RIMS2: variants seen among roughly 807,000 people sequenced by gnomAD.
RIMS2 encodes regulating synaptic membrane exocytosis 2.
In RIMS2, 59 loss-of-function variants were observed where a neutral mutation model predicts 174.4. That is an observed-to-expected ratio of 0.34 (90% confidence interval 0.27 to 0.42). RIMS2 has a LOEUF of 0.42. Among genes scored for constraint, RIMS2 ranks in the 10% least tolerant of loss-of-function variants. The pLI, the probability that RIMS2 is intolerant of heterozygous loss-of-function variation, is 1.00. For synonymous variants in RIMS2, 606 were observed against 572.5 expected, an observed-to-expected ratio of 1.06 and a Z score of -0.84; for missense variants, 1,620 against 1,666.3, an observed-to-expected ratio of 0.97 and a Z score of 0.48.
intron 19 of RIMS2, among the ~76,000 whole-genome samples, chr8:104,100,649 G>T (rs1053947288): frequency 4.0e-5 from 6 of 151,314 alleles, no homozygotes; most frequent in African/African-American, 1.5e-4. Context: ...AAAACTTTAA[G>T]ATTTTATTAT....
rs181534089 is a variant in RIMS2, at chr8:103,840,618, A to G, written c.699-44680A>G. Among the ~76,000 whole-genome samples, 75 of 152,228 alleles carry G rather than the reference A, an allele frequency of 4.9e-4. 1 individual carries two copies. Among genetic ancestry groups the G allele is most frequent in the Admixed American group, 1.3e-3 (20 of 15,286 alleles). ...ATATGTAGGAACTTCTCGTGGATAC[A>G]TTCCGTTCATATGTTAACTTTAGGA... On this transcript the variant is annotated intron_variant, in intron 3 of 23. Coordinates refer to ENST00000504942, the Ensembl canonical transcript of RIMS2.
intron 1 of RIMS2, among the ~76,000 whole-genome samples, chr8:103,633,513 C>G (rs1231801470): frequency 6.6e-6 from 1 of 152,136 alleles, no homozygotes; most frequent in Admixed American, 6.5e-5. Flanking sequence ...TCTCTTGTCT[C>G]TTCCAGGTTT....
At chr8:103,785,449 T>C (rs1204456255) in intron 3 of RIMS2, among the ~76,000 whole-genome samples, 1 of 152,112 alleles carries the variant, frequency 6.6e-6, no homozygotes, top group Non-Finnish European at 1.5e-5. Context: ...ATCCCATCAA[T>C]ACCTAATTTA....
intron 2 of RIMS2, among the ~76,000 whole-genome samples, chr8:103,739,075 C>T (rs2139249872): frequency 6.6e-6 from 1 of 152,296 alleles, no homozygotes; most frequent in Non-Finnish European, 1.5e-5. Flanking sequence ...AAGACACATG[C>T]ACACGTATGT....
chr8:103,931,528 C>A, intron 12 of RIMS2, 135 bp downstream of exon 14: 3 of 509,304 alleles, frequency 5.9e-6, no homozygotes, highest in South Asian at 4.0e-5. Context: ...ACGTGATGTT[C>A]TTAGGAAACA....
intron 19 of RIMS2, among the ~76,000 whole-genome samples, chr8:104,182,523 C>G (rs1793336260): frequency 6.6e-6 from 1 of 151,664 alleles, no homozygotes; most frequent in African/African-American, 2.4e-5. Context: ...CTATTCCTCC[C>G]CCTCCTCATT....
chr8:103,600,149 G>A (rs1183117868), intron 1 of RIMS2, among the ~76,000 whole-genome samples: 2 of 152,074 alleles, frequency 1.3e-5, no homozygotes, highest in East Asian at 3.9e-4. Context: ...AACATACAAT[G>A]TTTGTCTTTC....
intron 15 of RIMS2, among the ~76,000 whole-genome samples, chr8:103,971,583 T>C (rs796752754): frequency 5.9e-5 from 9 of 152,126 alleles, no homozygotes; most frequent in African/African-American, 2.2e-4. Flanking sequence ...TTTTTTTTTT[T>C]CTTTTTGAGA....
chr8:103,850,593 G>A (rs940739279), intron 3 of RIMS2, among the ~76,000 whole-genome samples: 2 of 151,976 alleles, frequency 1.3e-5, no homozygotes, highest in Admixed American at 6.6e-5. Context: ...AGGGTGAAGA[G>A]ACTGGAGCCA....
chr8:104,045,034 G>A (rs181324085), intron 19 of RIMS2, among the ~76,000 whole-genome samples: 1 of 151,938 alleles, frequency 6.6e-6, no homozygotes, highest in East Asian at 1.9e-4. Flanking sequence ...TTCAAAAACT[G>A]ACTGTAGTAT....
At chr8:104,255,605 T>G (rs531947507), downstream of RIMS2, 11 of 152,310 alleles carry the variant, frequency 7.2e-5, no homozygotes, top group East Asian at 5.8e-4. Flanking sequence ...CAATAAAGGA[T>G]ATGATGGTCC....
At chr8:103,787,329 T>G (rs2098453248) in intron 3 of RIMS2, among the ~76,000 whole-genome samples, 1 of 152,036 alleles carries the variant, frequency 6.6e-6, no homozygotes. Flanking sequence ...GTTAGCTGGT[T>G]ATTTTGCTCG....
At chr8:103,953,361 G>T (rs1263711685) in intron 14 of RIMS2, among the ~76,000 whole-genome samples, 1 of 152,172 alleles carries the variant, frequency 6.6e-6, no homozygotes, top group Admixed American at 6.5e-5. Flanking sequence ...GAAAGGGCGA[G>T]TTACCCACAA....
At chr8:103,844,607 A>G (rs752383588) in intron 3 of RIMS2, among the ~76,000 whole-genome samples, 9 of 152,218 alleles carry the variant, frequency 5.9e-5, no homozygotes, top group African/African-American at 1.4e-4. Flanking sequence ...AAGCCATCAT[A>G]TAGAAATAAA....
chr8:103,935,172 GATCATAC>G (rs1807844550), intron 12 of RIMS2, among the ~76,000 whole-genome samples: 1 of 152,206 alleles, frequency 6.6e-6, no homozygotes, highest in South Asian at 2.1e-4. Flanking sequence ...GGGAGAGAAA[GATCATAC>G]ATCACAGTCC....
chr8:103,874,958 TTTTG>T (rs963070426), intron 3 of RIMS2, among the ~76,000 whole-genome samples: 3 of 152,156 alleles, frequency 2.0e-5, no homozygotes, highest in East Asian at 3.9e-4. Context: ...ACCACACTTT[TTTTG>T]TTTGTTTGTT....
intron 3 of RIMS2, among the ~76,000 whole-genome samples, chr8:103,782,644 A>T (rs80281167): frequency 7.5e-4 from 114 of 152,308 alleles, no homozygotes; most frequent in African/African-American, 2.6e-3. Context: ...TTAGTTTCTA[A>T]TTCATTAGCC....
intron 19 of RIMS2, among the ~76,000 whole-genome samples, chr8:104,198,267 C>T (rs1346223734): frequency 1.3e-5 from 2 of 152,154 alleles, no homozygotes; most frequent in East Asian, 3.9e-4. Context: ...CAAAAAGAGA[C>T]ACTCCGTGTT....
intron 2 of RIMS2, among the ~76,000 whole-genome samples, chr8:103,764,790 C>T (rs902670720): frequency 6.6e-6 from 1 of 151,996 alleles, no homozygotes; most frequent in Non-Finnish European, 1.5e-5. Context: ...ACAACCTAAA[C>T]TTAGCAAACA....
Sources: gnomAD v4.1 joint callset for allele counts (sites outside exome capture counted in the v4.1 genomes callset) on GRCh38, gnomAD v4.1.1 for gene constraint, MANE v1.5 for transcripts, NCBI Gene and HGNC (gene_info 2026-07-23, HGNC 2026-07-21) for gene names.